Variants in WWOX observed in about 807,000 individuals in gnomAD.
WWOX encodes the protein WW domain-containing oxidoreductase.
In WWOX, 69 loss-of-function variants were observed where a neutral mutation model predicts 46.2. The observed-to-expected ratio is 1.49, with a 90% CI of 1.23 to 1.82. The LOEUF is 1.82. Ranked by LOEUF, WWOX falls within the 40% of genes most tolerant of loss-of-function variation. The pLI, the probability that WWOX is intolerant of heterozygous loss-of-function variation, is 0.00. For missense variants in WWOX, 919 were observed against 542.6 expected, an observed-to-expected ratio of 1.69 and a Z score of -6.89; for synonymous variants, 359 against 202.6, an observed-to-expected ratio of 1.77 and a Z score of -6.56.
At chr16:78,808,111 C>T (rs1005468317) in intron 8 of WWOX, among the ~76,000 whole-genome samples, 1 of 152,202 alleles carries the variant, frequency 6.6e-6, no homozygotes, top group Non-Finnish European at 1.5e-5. Context: ...TAGGCCCAAG[C>T]AACCAGGACT....
chr16:78,885,490 C>T (rs1020167433), intron 8 of WWOX, among the ~76,000 whole-genome samples: 3 of 152,162 alleles, frequency 2.0e-5, no homozygotes, highest in African/African-American at 7.2e-5. Context: ...AATTTAAAAG[C>T]AGCAAAATAG....
chr16:79,061,443 G>C (rs1463341651), intron 8 of WWOX, among the ~76,000 whole-genome samples: 1 of 152,198 alleles, frequency 6.6e-6, no homozygotes, highest in Non-Finnish European at 1.5e-5. Flanking sequence ...AAGTAGCAAA[G>C]CACTTGGCAC....
chr16:78,742,292 G>A (rs548262947), intron 8 of WWOX, among the ~76,000 whole-genome samples: 1 of 152,260 alleles, frequency 6.6e-6, no homozygotes, highest in South Asian at 2.1e-4. Context: ...CAGGGAAAAC[G>A]CAGACTCATG....
At chr16:78,278,780 G>A (rs1567475073) in intron 5 of WWOX, 1 of 875,362 alleles carries the variant, frequency 1.1e-6, no homozygotes, top group Non-Finnish European at 1.8e-6. Flanking sequence ...TGTACGATTT[G>A]CAACAACATC....
chr16:78,990,673 G>C (rs149571696), intron 8 of WWOX, among the ~76,000 whole-genome samples: 8 of 152,300 alleles, frequency 5.3e-5, no homozygotes, highest in Admixed American at 5.2e-4. Flanking sequence ...AGGAAAAAGA[G>C]AGAGGGAGAA....
At chr16:78,844,954 A>G (rs1424353870) in intron 8 of WWOX, among the ~76,000 whole-genome samples, 2 of 152,142 alleles carry the variant, frequency 1.3e-5, no homozygotes, top group East Asian at 1.9e-4. Flanking sequence ...AGACTGGCCT[A>G]TTGAGGCAGG....
At chr16:78,678,794 G>C (rs1018303021) in intron 8 of WWOX, among the ~76,000 whole-genome samples, 23 of 152,118 alleles carry the variant, frequency 1.5e-4, no homozygotes, top group Non-Finnish European at 1.5e-4. Flanking sequence ...CTGGGGTTAA[G>C]TGCTTTACAT....
chr16:79,185,854 C>A (rs911954629), intron 8 of WWOX, among the ~76,000 whole-genome samples: 1 of 151,946 alleles, frequency 6.6e-6, no homozygotes, highest in African/African-American at 2.4e-5. Flanking sequence ...CTAGGAAGTA[C>A]TATAAAAAAG....
intron 8 of WWOX, among the ~76,000 whole-genome samples, chr16:78,443,448 C>T (rs2083490192): frequency 1.3e-5 from 2 of 152,152 alleles, no homozygotes; most frequent in African/African-American, 2.4e-5. Flanking sequence ...GCACCAAGAA[C>T]ACACCTTAGC....
At chr16:78,409,439 G>T (rs2082623835) in intron 6 of WWOX, among the ~76,000 whole-genome samples, 1 of 151,994 alleles carries the variant, frequency 6.6e-6, no homozygotes. Flanking sequence ...TGTCTTCTCT[G>T]CAATGTTACA....
intron 8 of WWOX, among the ~76,000 whole-genome samples, chr16:78,789,984 A>C (rs949073385): frequency 3.3e-5 from 5 of 152,218 alleles, no homozygotes; most frequent in African/African-American, 1.2e-4. Flanking sequence ...CCCTGACTAT[A>C]AAATGCTAAC....
chr16:78,628,101 C>T (rs1267353225), intron 8 of WWOX, among the ~76,000 whole-genome samples: 1 of 152,038 alleles, frequency 6.6e-6, no homozygotes, highest in African/African-American at 2.4e-5. Flanking sequence ...AGATAGTGGC[C>T]CTACAGTGGA....
At chr16:78,958,373 C>T (rs965947062) in intron 8 of WWOX, among the ~76,000 whole-genome samples, 1 of 152,070 alleles carries the variant, frequency 6.6e-6, no homozygotes, top group African/African-American at 2.4e-5. Context: ...GGTACAAACC[C>T]CCATGGAAAT....
At chr16:78,893,951 T>C (rs1000805637) in intron 8 of WWOX, among the ~76,000 whole-genome samples, 10 of 151,976 alleles carry the variant, frequency 6.6e-5, no homozygotes, top group African/African-American at 1.2e-4. Context: ...TGAGCAGATA[T>C]TGTGTCTGTG....
intron 8 of WWOX, among the ~76,000 whole-genome samples, chr16:78,861,200 C>G (rs771942283): frequency 5.3e-5 from 8 of 151,966 alleles, no homozygotes; most frequent in Admixed American, 4.6e-4. Flanking sequence ...TTTTCCTTCT[C>G]TGTTGAAGGC....
intron 8 of WWOX, among the ~76,000 whole-genome samples, chr16:78,856,135 G>A (rs1466524371): frequency 1.3e-5 from 2 of 152,180 alleles, no homozygotes; most frequent in South Asian, 2.1e-4. Context: ...AGGAGTTCAG[G>A]GTTGAAAAGA....
At chr16:78,335,779 G>A (rs1398250677) in intron 5 of WWOX, among the ~76,000 whole-genome samples, 1 of 152,056 alleles carries the variant, frequency 6.6e-6, no homozygotes, top group Admixed American at 6.6e-5. Flanking sequence ...AACTGAGGTG[G>A]GCCCCAAAAC....
chr16:79,183,326 A>G (rs1368647587), intron 8 of WWOX, among the ~76,000 whole-genome samples: 1 of 152,214 alleles, frequency 6.6e-6, no homozygotes, highest in Non-Finnish European at 1.5e-5. Flanking sequence ...TCCTCCCAGA[A>G]GGAAAAAAAT....
chr16:78,497,144 G>C (rs1414356485), intron 8 of WWOX, among the ~76,000 whole-genome samples: 1 of 152,230 alleles, frequency 6.6e-6, no homozygotes, highest in East Asian at 1.9e-4. Context: ...GTGTATGTCT[G>C]CTCATGCTTG....
Sources: allele counts gnomAD v4.1 joint callset (sites outside exome capture counted in the v4.1 genomes callset), GRCh38; gene constraint gnomAD v4.1.1; transcripts MANE v1.5; gene names NCBI Gene and HGNC (gene_info 2026-07-23, HGNC 2026-07-21).